The following PPP4R3B variants were observed in gnomAD, a reference collection of about 807,000 sequenced individuals.
The protein encoded by PPP4R3B is protein phosphatase 4 regulatory subunit 3B, also known as serine/threonine-protein phosphatase 4 regulatory subunit 3B.
A neutral mutation model predicts 95.4 loss-of-function variants in PPP4R3B; 52 were observed. The ratio of observed to expected loss-of-function variants is 0.54; its 90% confidence interval spans 0.44 to 0.69. The LOEUF is 0.69. Among genes scored for constraint, PPP4R3B ranks in the 30% least tolerant of loss-of-function variants. The probability of loss-of-function intolerance (pLI) is 0.00; values close to 1 mark genes in which losing one functional copy is unlikely to be tolerated. For missense variants in PPP4R3B, 1,003 were observed against 1,005.9 expected (o/e 1.00, Z 0.04); for synonymous variants, 407 against 343.9 (o/e 1.18, Z -2.03).
chr2:55,564,355 C>A lies in PPP4R3B; in HGVS notation c.2218G>T (p.Asp740Tyr). The change falls in exon 15 of 17, where the codon GAT becomes TAT. Residue 740 changes from aspartate to tyrosine, a missense_variant. By Grantham distance (160) the Asp-to-Tyr change is radical. Transcript: ENST00000616407. ...APVEKPKPEDDFPDNYEKFME... is the reference protein window; with the variant it reads ...APVEKPKPEDYFPDNYEKFME... Reference sequence around the variant, plus strand: ...AACTTTTCATAATTATCTGGAAAATCATCTTCTGGCTTAGGTTTTTCCACT... The same window carrying A: ...AACTTTTCATAATTATCTGGAAAATAATCTTCTGGCTTAGGTTTTTCCACT... 1 of 1,613,230 alleles carries A rather than the reference C, an allele frequency of 6.2e-7. No homozygotes were observed. Among genetic ancestry groups the A allele is most frequent in the Non-Finnish European group, 8.5e-7 (1 of 1,179,724 alleles).
chr2:55,593,860 T>C (rs1691375128), intron 4 of PPP4R3B, among the ~76,000 whole-genome samples: 1 of 152,202 alleles, frequency 6.6e-6, no homozygotes, highest in South Asian at 2.1e-4. Flanking sequence ...ACACCTGCAC[T>C]TGTATATTGA....
At chr2:55,563,785 T>C (rs1686933045) in intron 15 of PPP4R3B, among the ~76,000 whole-genome samples, 1 of 152,246 alleles carries the variant, frequency 6.6e-6, no homozygotes, top group Non-Finnish European at 1.5e-5. Context: ...AAAGATATAT[T>C]ACTAGCAAGA....
rs758451580 is a variant in PPP4R3B, at chr2:55,598,975, C to A, written c.362G>T (p.Arg121Leu). The A allele has an allele frequency of 6.2e-7, 1 of 1,614,072 alleles. No homozygotes were observed. The highest frequency in any genetic ancestry group is 1.3e-5 in the African/African-American group (1 of 75,048). The change falls in exon 4 of 17, where the codon CGA (arginine) becomes CTA (leucine). Residue 121 changes from arginine to leucine, a missense_variant. Physicochemically the swap from Arg to Leu is moderately radical, Grantham distance 102 (BLOSUM62 -2). This residue lies in a region of PPP4R3B where 695 missense variants were observed against 686.2 expected (regional missense o/e 1.01). Coordinates refer to ENST00000616407, the MANE Select transcript of PPP4R3B (RefSeq NM_001122964.3). ...ACTAGTTTCAGGCATTTCTTCAAAT[C>A]GTTCTTCTTCAGATTCATCAATGAG... ...QDLIDESEEE[R>L]FEEMPETSHL...
chr2:55,603,142 G>T (rs1367857573), intron 3 of PPP4R3B, among the ~76,000 whole-genome samples: 1 of 152,098 alleles, frequency 6.6e-6, no homozygotes, highest in African/African-American at 2.4e-5. Context: ...GAGTAGAGAT[G>T]AGGTTCCACC....
intron 16 of PPP4R3B, among the ~76,000 whole-genome samples, chr2:55,550,593 G>T (rs1685140797): frequency 6.6e-6 from 1 of 152,140 alleles, no homozygotes; most frequent in African/African-American, 2.4e-5. Context: ...ATGAGTAACA[G>T]ACCTCTGTGA....
At chr2:55,615,638 G>A in intron 1 of PPP4R3B, 132 bp from the exon 2 acceptor site, 1 of 568,432 alleles carries the variant, frequency 1.8e-6, no homozygotes. Flanking sequence ...GGCAGATCAC[G>A]AGGTCAAGAG....
chr2:55,585,724 C>T (rs779506099), intron 6 of PPP4R3B, among the ~76,000 whole-genome samples: 1 of 152,142 alleles, frequency 6.6e-6, no homozygotes, highest in African/African-American at 2.4e-5. Context: ...ATGAAGAGTA[C>T]ATGACTTATA....
In PPP4R3B at chr2:55,581,659, A is replaced by G. The variant is rs199560319; in HGVS notation, c.1273T>C (p.Cys425Arg). Residue 425 changes from cysteine (C) to arginine (R), a missense_variant, in exon 8 of 17, where the codon TGT becomes CGT. Transcript: ENST00000616407. ...CCTCCTAGCTCAGGATCAGTATCACAGATCATTTGTTCAATTACCACATTA... is the reference window on the plus strand; with the variant it reads ...CCTCCTAGCTCAGGATCAGTATCACGGATCATTTGTTCAATTACCACATTA... ...LINVVIEQMI[C>R]DTDPELGGAV... is the part of the protein sequence containing the mutation. The G allele has an allele frequency of 1.2e-6, 2 of 1,613,292 alleles. No individual in the cohort carries two copies. Among genetic ancestry groups the G allele is most frequent in the Non-Finnish European group, 1.7e-6 (2 of 1,179,614 alleles).
At chr2:55,568,462 A>T in intron 12 of PPP4R3B, 99 bp from the exon 13 acceptor site, 1 of 938,550 alleles carries the variant, frequency 1.1e-6, no homozygotes, top group Non-Finnish European at 1.5e-6. Flanking sequence ...TGCTCTTCTA[A>T]AATGAAAAGT....
chr2:55,610,255 G>T (rs1368491577), intron 2 of PPP4R3B, among the ~76,000 whole-genome samples: 1 of 152,072 alleles, frequency 6.6e-6, no homozygotes, highest in Non-Finnish European at 1.5e-5. Context: ...AAAAGGTCTT[G>T]CTACTCAAAG....
At position 55,565,124 on chromosome 2, in the gene PPP4R3B, A is replaced by G. The variant is rs578115009; in HGVS notation, c.1936-83T>C. 102 of 1,101,164 alleles carry G rather than the reference A, an allele frequency of 9.3e-5. 1 individual carries two copies. In the South Asian group the frequency reaches 1.9e-3, roughly 20 times the overall value. The allele number at this position is 1,101,164 out of a possible 1,614,324, so 68.2% of individuals were successfully genotyped here. On this transcript the variant is annotated intron_variant, in intron 13 of 16. Transcript: ENST00000616407. ...CTTTAAAATTTTGTTTTGTAGTTCT[A>G]AAGCTGATCAAAAAAGGTTTTTCAA...
intron 16 of PPP4R3B, among the ~76,000 whole-genome samples, chr2:55,552,193 G>A (rs1685326201): frequency 6.6e-6 from 1 of 152,050 alleles, no homozygotes; most frequent in South Asian, 2.1e-4. Flanking sequence ...ATGAAATGTT[G>A]GAAGTAAAAA....
chr2:55,577,341 G>A lies in PPP4R3B; in HGVS notation c.1580C>T (p.Ser527Leu). The change falls in exon 11 of 17, where the codon TCA becomes TTA. Residue 527 changes from serine (S) to leucine (L), a missense_variant. Ser to Leu is a moderately radical substitution (Grantham distance 145). Coordinates refer to ENST00000616407, the MANE Select transcript of PPP4R3B (RefSeq NM_001122964.3). ...SSISQDNIVG[S>L]NKNNTICPDN... The stretch of plus-strand genomic sequence containing the variant: ...GGGACAAATTGTGTTGTTTTTGTTT[G>A]ATCCAACTATATTATCTAATAAAAA... The A allele has an allele frequency of 6.5e-7, 1 of 1,543,326 alleles. No individual in the cohort carries two copies. The highest frequency in any genetic ancestry group is 8.7e-7 in the Non-Finnish European group (1 of 1,151,188).
At chr2:55,613,825 A>T (rs1296300463) in intron 2 of PPP4R3B, among the ~76,000 whole-genome samples, 1 of 149,376 alleles carries the variant, frequency 6.7e-6, no homozygotes, top group Non-Finnish European at 1.5e-5. Context: ...AAAAAAAAAA[A>T]TTAGTATTTC....
At chr2:55,574,219 A>G (rs1688363551) in intron 11 of PPP4R3B, among the ~76,000 whole-genome samples, 1 of 151,626 alleles carries the variant, frequency 6.6e-6, no homozygotes, top group Non-Finnish European at 1.5e-5. Flanking sequence ...ATATCCATTT[A>G]AAAGGCTGTA....
At chr2:55,594,277 G>T in intron 4 of PPP4R3B, among the ~76,000 whole-genome samples, 1 of 140,010 alleles carries the variant, frequency 7.1e-6, no homozygotes, top group Non-Finnish European at 1.5e-5. Flanking sequence ...TAACAAATAA[G>T]CCTATGTGCC....
At chr2:55,612,636 C>A (rs1179453882) in intron 2 of PPP4R3B, among the ~76,000 whole-genome samples, 1 of 152,048 alleles carries the variant, frequency 6.6e-6, no homozygotes, top group Non-Finnish European at 1.5e-5. Flanking sequence ...CCCATCTTTA[C>A]AAATTTTTTA....
intron 13 of PPP4R3B, among the ~76,000 whole-genome samples, chr2:55,567,504 C>T (rs1228119940): frequency 6.6e-6 from 1 of 152,148 alleles, no homozygotes; most frequent in Non-Finnish European, 1.5e-5. Context: ...GCAACCCCAC[C>T]TCCTGGATGC....
rs1478766956 is a variant in PPP4R3B at position 55,572,353 on chromosome 2, G to A, written c.1765+1266C>T. 2.0e-5 allele frequency among the ~76,000 whole-genome samples: 3 copies of A among 152,156 alleles called. 1 individual carries two copies. The highest frequency in any genetic ancestry group is 6.3e-3 in the Middle Eastern group (2 of 316). ...AATAAAGGCAAAGACAAAAGACAATGAAGATGGACATTTTCTCCTCAAAAC... is the reference window on the plus strand; with the variant it reads ...AATAAAGGCAAAGACAAAAGACAATAAAGATGGACATTTTCTCCTCAAAAC... On this transcript the variant is annotated intron_variant, in intron 12 of 16. Transcript: ENST00000616407.
Sources: gnomAD v4.1 joint callset for allele counts (sites outside exome capture counted in the v4.1 genomes callset) on GRCh38, gnomAD v4.1.1 for gene constraint, gnomAD v4.1.1 regional missense constraint, MANE v1.5 for transcripts, NCBI Gene and HGNC (gene_info 2026-07-23, HGNC 2026-07-21) for gene names.